GUCY1B1: variants seen among roughly 807,000 people sequenced by gnomAD.
The protein encoded by GUCY1B1 is guanylate cyclase soluble subunit beta-1.
A neutral mutation model predicts 71.0 loss-of-function variants in GUCY1B1; 43 were observed. That is an observed-to-expected ratio of 0.61 (90% CI 0.47 to 0.78). The LOEUF is 0.78. Among genes scored for constraint, GUCY1B1 ranks in the 30% least tolerant of loss-of-function variants. The pLI, the probability that GUCY1B1 is intolerant of heterozygous loss-of-function variation, is 0.00. For synonymous variants in GUCY1B1, 266 were observed against 259.7 expected (o/e 1.02, Z -0.23); for missense variants, 535 against 754.1 (o/e 0.71, Z 3.40).
At position 155,800,036 on chromosome 4, in the gene GUCY1B1, G is replaced by C; in HGVS notation, c.1137G>C (p.Thr379=). Residue 379 remains threonine, a synonymous_variant, in exon 9 of 14, where the codon ACG becomes ACC. Transcript: ENST00000264424. Reference sequence around the variant, plus strand: ...TCCTCACTGACAGGCTACAGCTCACGTTAAGAGCCCTGGAAGATGAAAAGA... The same window carrying C: ...TCCTCACTGACAGGCTACAGCTCACCTTAAGAGCCCTGGAAGATGAAAAGA... ...LEILTDRLQL[T]LRALEDEKKK... The C allele has an allele frequency of 1.2e-6, 2 of 1,613,452 alleles. No individual in the cohort carries two copies.
intron 2 of GUCY1B1, among the ~76,000 whole-genome samples, chr4:155,766,187 A>G (rs1474621339): frequency 6.6e-6 from 1 of 152,174 alleles, no homozygotes; most frequent in Non-Finnish European, 1.5e-5. Flanking sequence ...ACATATTTTT[A>G]TCAAAGATTC....
chr4:155,784,332 A>C (rs1296332875), intron 4 of GUCY1B1, among the ~76,000 whole-genome samples: 1 of 152,158 alleles, frequency 6.6e-6, no homozygotes, highest in African/African-American at 2.4e-5. Context: ...GAAAGCATTC[A>C]CTTCCTACTC....
rs1466137067 is a variant in GUCY1B1, at chr4:155,807,468, C to G, written c.*1059C>G. 1 of 152,072 alleles carries G rather than the reference C, an allele frequency of 6.6e-6. No homozygotes were observed. The highest frequency in any genetic ancestry group is 1.5e-5 in the Non-Finnish European group (1 of 68,010). The allele number at this position is 152,072 out of a possible 1,614,324, so 9.4% of individuals were successfully genotyped here. On this transcript the variant is annotated 3_prime_UTR_variant, in exon 14 of 14. Transcript: ENST00000264424. The stretch of plus-strand genomic sequence containing the variant: ...ATATCTATCTTTATAAAATAGAGTG[C>G]AACTACTTTTGTGTAAAAATGTTTG...
At chr4:155,762,976 T>G (rs985045644) in intron 2 of GUCY1B1, among the ~76,000 whole-genome samples, 1 of 152,148 alleles carries the variant, frequency 6.6e-6, no homozygotes, top group African/African-American at 2.4e-5. Context: ...GTTGATTTCA[T>G]TTCAATATTC....
In GUCY1B1 at chr4:155,777,661, T is replaced by C; in HGVS notation, c.297+19T>C. ...TCTACAGGTAAGCAATTTGAGGTCCTATAGTTAAAAGTTCTGTGTTTATAA... is the reference window on the plus strand; with the variant it reads ...TCTACAGGTAAGCAATTTGAGGTCCCATAGTTAAAAGTTCTGTGTTTATAA... On this transcript the variant is annotated intron_variant, in intron 4 of 13. Transcript: ENST00000264424. 8.3e-7 allele frequency: 1 copy of C among 1,199,486 alleles called. No individual in the cohort carries two copies. The highest frequency in any genetic ancestry group is 1.2e-6 in the Non-Finnish European group (1 of 801,694). 74.3% of individuals were successfully genotyped at this position (1,199,486 alleles called of 1,614,324 possible). A position where few individuals can be genotyped will look rare whatever the true frequency, so the allele number is the denominator to read the frequency against.
intron 2 of GUCY1B1, among the ~76,000 whole-genome samples, chr4:155,769,358 C>T (rs1737549059): frequency 6.6e-6 from 1 of 152,080 alleles, no homozygotes; most frequent in Admixed American, 6.6e-5. Flanking sequence ...TCTAGGTTTA[C>T]TTGTTAGCCA....
At position 155,802,394 on chromosome 4, in the gene GUCY1B1, C is replaced by A; in HGVS notation, c.1228C>A (p.Arg410Ser). The A allele has an allele frequency of 6.2e-7, 1 of 1,613,316 alleles. No individual in the cohort carries two copies. The highest frequency in any genetic ancestry group is 8.5e-7 in the Non-Finnish European group (1 of 1,179,366). The change falls in exon 10 of 14, where the codon CGT becomes AGT. Residue 410 changes from arginine to serine, a missense_variant. Transcript: ENST00000264424. This position sits in a 1 kb window ranked among gnomAD's most constrained non-coding sequence, Gnocchi z 4.3. ...PSVANELRHK[R>S]PVPAKRYDNV... ...TGTTGCCAATGAGCTGCGGCACAAGCGTCCAGTGCCTGCCAAAAGATATGA... is the reference window on the plus strand; with the variant it reads ...TGTTGCCAATGAGCTGCGGCACAAGAGTCCAGTGCCTGCCAAAAGATATGA...
intron 4 of GUCY1B1, among the ~76,000 whole-genome samples, chr4:155,782,657 C>A (rs1322907679): frequency 6.6e-6 from 1 of 152,162 alleles, no homozygotes; most frequent in Non-Finnish European, 1.5e-5. Context: ...AGGTAAAATT[C>A]TCTTTTCCTT....
chr4:155,790,138 G>A lies in GUCY1B1; in HGVS notation c.495+227G>A, dbSNP rs946322866. ...AGATTTTTCTTTCTAATTATATAGT[G>A]TTCAAGGCTACAAGAAATTTACTTT... On this transcript the variant is annotated intron_variant, in intron 5 of 13. Transcript: ENST00000264424. Among the ~76,000 whole-genome samples the A allele has an allele frequency of 2.0e-5, 3 of 152,028 alleles. No homozygotes were observed. The East Asian group carries it at 5.8e-4, about 29-fold the overall frequency.
intron 2 of GUCY1B1, among the ~76,000 whole-genome samples, chr4:155,768,479 G>A (rs1737493680): frequency 6.9e-6 from 1 of 145,642 alleles, no homozygotes; most frequent in Non-Finnish European, 1.5e-5. Context: ...TTTTTTGTAG[G>A]GAGCTTGGAA....
chr4:155,778,367 T>C (rs1009589144), intron 4 of GUCY1B1, among the ~76,000 whole-genome samples: 9 of 152,242 alleles, frequency 5.9e-5, no homozygotes, highest in African/African-American at 2.2e-4. Flanking sequence ...GAGACCCTCT[T>C]CTTGAAATGT....
At chr4:155,768,452 G>GTT (rs1340056105) in intron 2 of GUCY1B1, among the ~76,000 whole-genome samples, 1 of 111,580 alleles carries the variant, frequency 9.0e-6, no homozygotes, top group Non-Finnish European at 1.7e-5. Flanking sequence ...TTGATTACTT[G>GTT]TTTGTTTTTT....
intron 1 of GUCY1B1, chr4:155,759,509 C>G (rs958905167): frequency 3.9e-6 from 2 of 510,966 alleles, no homozygotes; most frequent in Non-Finnish European, 6.8e-6. Context: ...CCGCGCTGCC[C>G]CCGATGCCCA....
chr4:155,760,585 A>T (rs997069022), intron 2 of GUCY1B1, among the ~76,000 whole-genome samples: 9 of 152,034 alleles, frequency 5.9e-5, no homozygotes, highest in Non-Finnish European at 1.2e-4. Context: ...TGTTGGAATG[A>T]CTGATGGGTC....
intron 2 of GUCY1B1, among the ~76,000 whole-genome samples, chr4:155,770,916 CATATT>C (rs1182914846): frequency 1.3e-5 from 2 of 152,172 alleles, no homozygotes; most frequent in African/African-American, 4.8e-5. Context: ...TGCTTCATAA[CATATT>C]ATATCATTTT....
intron 2 of GUCY1B1, among the ~76,000 whole-genome samples, chr4:155,766,875 A>G (rs905823084): frequency 6.6e-6 from 1 of 152,172 alleles, no homozygotes; most frequent in Non-Finnish European, 1.5e-5. Flanking sequence ...TCACCATGTC[A>G]TGCTATTTCG....
intron 2 of GUCY1B1, among the ~76,000 whole-genome samples, chr4:155,770,030 C>CA (rs1429766688): frequency 6.6e-6 from 1 of 152,018 alleles, no homozygotes; most frequent in Non-Finnish European, 1.5e-5. Flanking sequence ...CTACTTGTCA[C>CA]AAAAATAAAT....
rs2110940786 is a variant in GUCY1B1, at chr4:155,759,873, C to T, written c.77+13C>T. On this transcript the variant is annotated intron_variant, in intron 2 of 13. Transcript: ENST00000264424. ...GGGAAGACATCAAGTAAGTGGCCGG[C>T]TACCCTGGCTGTGGCCCAGGTCGGC... 6.2e-7 allele frequency: 1 copy of T among 1,603,312 alleles called. No individual in the cohort carries two copies. The highest frequency in any genetic ancestry group is 8.5e-7 in the Non-Finnish European group (1 of 1,171,244).
chr4:155,786,665 G>T (rs1296191402), intron 4 of GUCY1B1, among the ~76,000 whole-genome samples: 1 of 151,548 alleles, frequency 6.6e-6, no homozygotes, highest in South Asian at 2.1e-4. Context: ...AGTAGAGACG[G>T]GGTTTCACCG....
Sources: gnomAD v4.1 joint callset for allele counts (sites outside exome capture counted in the v4.1 genomes callset) on GRCh38, gnomAD v4.1.1 for gene constraint, Gnocchi (gnomAD v3.1) non-coding constraint, MANE v1.5 for transcripts, NCBI Gene and HGNC (gene_info 2026-07-23, HGNC 2026-07-21) for gene names.